Variants in XIRP2 observed in about 807,000 individuals in gnomAD.
XIRP2 encodes the protein xin actin-binding repeat-containing protein 2.
In XIRP2, 236 loss-of-function variants were observed where a neutral mutation model predicts 277.0. The ratio of observed to expected loss-of-function variants is 0.85; its 90% CI spans 0.77 to 0.95. The LOEUF is 0.95. Ranked by LOEUF, XIRP2 falls within the 40% of genes least tolerant of loss-of-function variation. The probability of loss-of-function intolerance (pLI) is 0.00; values close to 1 mark genes in which losing one functional copy is unlikely to be tolerated. For missense variants in XIRP2, 4,640 were observed against 4,157.5 expected (o/e 1.12, Z -3.19); for synonymous variants, 1,490 against 1,416.5 (o/e 1.05, Z -1.17).
intron 3 of XIRP2, among the ~76,000 whole-genome samples, chr2:167,159,955 T>C (rs1168904958): frequency 1.3e-5 from 2 of 152,212 alleles, no homozygotes; most frequent in Non-Finnish European, 2.9e-5. Flanking sequence ...GTCAGAGTAC[T>C]TTTCCAACAT....
intron 2 of XIRP2, among the ~76,000 whole-genome samples, chr2:167,050,097 G>A (rs535254996): frequency 1.3e-5 from 2 of 151,930 alleles, no homozygotes; most frequent in Non-Finnish European, 2.9e-5. Context: ...TATCCATGTG[G>A]AACAGTATAC....
At chr2:166,996,789 T>G (rs1199390531) in intron 2 of XIRP2, among the ~76,000 whole-genome samples, 2 of 152,116 alleles carry the variant, frequency 1.3e-5, no homozygotes, top group East Asian at 3.9e-4. Flanking sequence ...ACCACTCCAG[T>G]GCACAACACA....
intron 2 of XIRP2, chr2:167,123,802 A>G (rs745899713): frequency 6.6e-6 from 1 of 152,114 alleles, no homozygotes; most frequent in Non-Finnish European, 1.5e-5. Flanking sequence ...TTTTAACTGA[A>G]TTATATCTTT....
chr2:166,994,477 TAAAAAAAAAAAAATTAAAAA>T (rs1474428224), intron 2 of XIRP2, among the ~76,000 whole-genome samples: 60 of 97,518 alleles, frequency 6.2e-4, no homozygotes, highest in Middle Eastern at 5.4e-3. Flanking sequence ...TAGAGTATAA[TAAAAAAAAAAAAATTAAAAA>T]AAAAAAAAAA....
At chr2:167,030,211 C>G (rs186514160) in intron 2 of XIRP2, among the ~76,000 whole-genome samples, 65 of 152,196 alleles carry the variant, frequency 4.3e-4, no homozygotes, top group African/African-American at 1.5e-3. Flanking sequence ...GTCTCTATCT[C>G]ATTCAGTTCT....
At chr2:167,216,052 A>G (rs1158837510) in intron 4 of XIRP2, among the ~76,000 whole-genome samples, 8 of 147,084 alleles carry the variant, frequency 5.4e-5, no homozygotes, top group Middle Eastern at 3.4e-3. Context: ...TATTTAATAA[A>G]TGGTGCTGGG....
intron 9 of XIRP2, 99 bp downstream of exon 9, chr2:167,252,046 C>T: frequency 6.8e-7 from 1 of 1,479,280 alleles, no homozygotes; most frequent in South Asian, 1.4e-5. Flanking sequence ...GTGGAAACAA[C>T]CAAACAATAT....
chr2:167,245,279 C>G lies in XIRP2; in HGVS notation c.3887C>G (p.Thr1296Ser). ...EIKEESDYISTKKTITEEVIQ... is the reference protein window; with the variant it reads ...EIKEESDYISSKKTITEEVIQ... ...AAAGAAGAATCTGACTATATCAGCACCAAGAAAACAATTACTGAAGAAGTA... is the reference window on the plus strand; with the variant it reads ...AAAGAAGAATCTGACTATATCAGCAGCAAGAAAACAATTACTGAAGAAGTA... The change falls in exon 9 of 11, where the codon ACC becomes AGC. Residue 1296 changes from threonine (T) to serine (S), a missense_variant. Thr to Ser is a moderately conservative substitution (Grantham distance 58). Coordinates refer to ENST00000409195, the MANE Select transcript of XIRP2 (RefSeq NM_152381.6). 1 of 1,613,210 alleles carries G rather than the reference C, an allele frequency of 6.2e-7. No individual in the cohort carries two copies. The highest frequency in any genetic ancestry group is 1.1e-5 in the South Asian group (1 of 91,008).
At chr2:166,950,731 A>T (rs1452934506) in intron 2 of XIRP2, among the ~76,000 whole-genome samples, 2 of 151,896 alleles carry the variant, frequency 1.3e-5, no homozygotes, top group Non-Finnish European at 2.9e-5. Context: ...GTTTAGAATG[A>T]TTTTCTAAGG....
At chr2:166,957,341 G>C (rs1194177275) in intron 2 of XIRP2, among the ~76,000 whole-genome samples, 2 of 151,268 alleles carry the variant, frequency 1.3e-5, no homozygotes, top group Non-Finnish European at 3.0e-5. Flanking sequence ...TTTTCTTCAG[G>C]CATTAGCATT....
At chr2:167,126,892 T>C (rs1357027233) in intron 2 of XIRP2, among the ~76,000 whole-genome samples, 3 of 152,212 alleles carry the variant, frequency 2.0e-5, no homozygotes, top group African/African-American at 7.2e-5. Flanking sequence ...ATGAGTATAA[T>C]ACAACTAAAG....
chr2:167,194,186 A>G lies in XIRP2; in HGVS notation c.563-16549A>G, dbSNP rs945218839. ...AACCTCCGCCTCCTGGGTTCAAGTG[A>G]TTCTCCTGCTTCAGCCTCCCTAGTA... is the stretch of plus-strand genomic sequence containing the variant. On this transcript the variant is annotated intron_variant, in intron 3 of 10. Transcript: ENST00000409195. 2.0e-5 allele frequency among the ~76,000 whole-genome samples: 3 copies of G among 151,404 alleles called. No individual in the cohort carries two copies. In the South Asian group the frequency reaches 6.3e-4, roughly 32 times the overall value.
At position 167,250,954 on chromosome 2, in the gene XIRP2, A is replaced by G; in HGVS notation, c.9562A>G (p.Thr3188Ala). The G allele has an allele frequency of 6.2e-7, 1 of 1,613,674 alleles. No individual in the cohort carries two copies. Among genetic ancestry groups the G allele is most frequent in the Non-Finnish European group, 8.5e-7 (1 of 1,179,742 alleles). The stretch of plus-strand genomic sequence containing the variant: ...TGAACAACTTGTCAGACTCAAAGAC[A>G]CCACTGCAAAGTTATCCAAAGGGGC... ...RSEQLVRLKD[T>A]TAKLSKGAIP... The change falls in exon 9 of 11, where the codon ACC becomes GCC. Residue 3188 changes from threonine to alanine, a missense_variant. Transcript: ENST00000409195.
chr2:167,089,111 A>G (rs1243574557), intron 2 of XIRP2, among the ~76,000 whole-genome samples: 1 of 152,172 alleles, frequency 6.6e-6, no homozygotes, highest in African/African-American at 2.4e-5. Context: ...ACTACTTAGG[A>G]TGATGTCAGC....
chr2:167,259,401 G>A lies in XIRP2; in HGVS notation c.*1584G>A. On this transcript the variant is annotated 3_prime_UTR_variant, in exon 11 of 11. Coordinates refer to ENST00000409195, the MANE Select transcript of XIRP2 (RefSeq NM_152381.6). ...CACTGACAGTCCACACTTAGGCACT[G>A]AGAGATATTGATGTTCTGAAATAAG... is the stretch of plus-strand genomic sequence containing the variant. The A allele has an allele frequency of 2.0e-6, 3 of 1,524,488 alleles. No homozygotes were observed. Among genetic ancestry groups the A allele is most frequent in the Non-Finnish European group, 8.8e-7 (1 of 1,136,282 alleles). The allele number at this position is 1,524,488 out of a possible 1,614,324, so 94.4% of individuals were successfully genotyped here.
chr2:167,001,694 T>C (rs1687378575), intron 2 of XIRP2, among the ~76,000 whole-genome samples: 1 of 152,178 alleles, frequency 6.6e-6, no homozygotes, highest in Non-Finnish European at 1.5e-5. Flanking sequence ...ATTTTGTAAG[T>C]GCCCCTAGTA....
rs371069467 is a variant in XIRP2, at chr2:167,206,475, C to T, written c.563-4260C>T. On this transcript the variant is annotated intron_variant, in intron 3 of 10. Coordinates refer to ENST00000409195, the MANE Select transcript of XIRP2 (RefSeq NM_152381.6). ...TCAAAATGCTTGAATATCTTTAGTT[C>T]TTTTCTCGTCTTTGACAGATGTCTT... 4.1e-4 allele frequency among the ~76,000 whole-genome samples: 63 copies of T among 152,244 alleles called. 1 individual carries two copies. The South Asian group carries it at 0.013, about 31-fold the overall frequency.
chr2:167,146,506 A>G (rs1293502973), intron 3 of XIRP2, among the ~76,000 whole-genome samples: 1 of 152,008 alleles, frequency 6.6e-6, no homozygotes, highest in African/African-American at 2.4e-5. Flanking sequence ...GTCTCAAAAA[A>G]AAAAGAAAGA....
intron 9 of XIRP2, among the ~76,000 whole-genome samples, chr2:167,253,016 T>C (rs558918161): frequency 3.9e-5 from 6 of 151,998 alleles, no homozygotes; most frequent in African/African-American, 1.4e-4. Context: ...AACATAAAAA[T>C]GTGTCCTCTA....
Sources: gnomAD v4.1 joint callset for allele counts (sites outside exome capture counted in the v4.1 genomes callset) on GRCh38, gnomAD v4.1.1 for gene constraint, MANE v1.5 for transcripts, NCBI Gene and HGNC (gene_info 2026-07-23, HGNC 2026-07-21) for gene names.